Variants in CSMD1 observed in about 807,000 individuals in gnomAD.
The protein encoded by CSMD1 is CUB and Sushi multiple domains 1.
Under a neutral mutation model 417.5 loss-of-function variants are expected in CSMD1, and 213 were observed. The ratio of observed to expected loss-of-function variants is 0.51; its 90% confidence interval spans 0.46 to 0.57. The LOEUF (loss-of-function observed/expected upper bound fraction) is 0.57. Among genes scored for constraint, CSMD1 ranks in the 20% least tolerant of loss-of-function variants. The pLI, the probability that CSMD1 is intolerant of heterozygous loss-of-function variation, is 0.00. For missense variants in CSMD1, 6,923 were observed against 4,529.7 expected, an observed-to-expected ratio of 1.53 and a Z score of -15.17; for synonymous variants, 2,862 against 1,736.8, an observed-to-expected ratio of 1.65 and a Z score of -16.11.
At chr8:3,151,351 A>T in intron 40 of CSMD1, 46 bp downstream of exon 40, 1 of 1,219,348 alleles carries the variant, frequency 8.2e-7, no homozygotes, top group Non-Finnish European at 1.2e-6. Flanking sequence ...TCCAAGATGG[A>T]AATGAAAAAA....
At chr8:4,620,425 C>T (rs1801710268) in intron 2 of CSMD1, among the ~76,000 whole-genome samples, 1 of 151,458 alleles carries the variant, frequency 6.6e-6, no homozygotes, top group Non-Finnish European at 1.5e-5. Flanking sequence ...TGACCAGAGT[C>T]TAAAATTTGC....
At chr8:3,773,634 T>C (rs564489798) in intron 5 of CSMD1, among the ~76,000 whole-genome samples, 2 of 152,296 alleles carry the variant, frequency 1.3e-5, no homozygotes, top group South Asian at 2.1e-4. Flanking sequence ...GTAAACTATT[T>C]GGCAGTTTTA....
At chr8:4,338,537 T>C (rs1335995935) in intron 3 of CSMD1, among the ~76,000 whole-genome samples, 1 of 152,082 alleles carries the variant, frequency 6.6e-6, no homozygotes, top group Non-Finnish European at 1.5e-5. Flanking sequence ...TTTTTCTAGT[T>C]TACTCTATTT....
chr8:4,527,372 T>C (rs1796570090), intron 2 of CSMD1, among the ~76,000 whole-genome samples: 1 of 152,160 alleles, frequency 6.6e-6, no homozygotes. Flanking sequence ...GAAAGTAAAA[T>C]TTGTTTTTAT....
chr8:3,508,766 A>G (rs1268589794), intron 10 of CSMD1, among the ~76,000 whole-genome samples: 1 of 152,208 alleles, frequency 6.6e-6, no homozygotes, highest in Non-Finnish European at 1.5e-5. Context: ...GACCGAATAG[A>G]GGACAGAACG....
chr8:4,846,663 T>C (rs764096183), intron 1 of CSMD1, among the ~76,000 whole-genome samples: 56 of 152,366 alleles, frequency 3.7e-4, no homozygotes, highest in Non-Finnish European at 6.0e-4. Flanking sequence ...CATGGACTTG[T>C]AGACTAACAC....
chr8:3,736,313 C>G (rs1422608165), intron 6 of CSMD1, among the ~76,000 whole-genome samples: 1 of 152,064 alleles, frequency 6.6e-6, no homozygotes, highest in African/African-American at 2.4e-5. Flanking sequence ...GCAATCACGA[C>G]TCACTGCAGC....
intron 11 of CSMD1, among the ~76,000 whole-genome samples, chr8:3,476,505 C>T (rs1817432846): frequency 6.6e-6 from 1 of 152,160 alleles, no homozygotes. Flanking sequence ...TCATATGAAA[C>T]TACCAACCTA....
chr8:3,285,119 T>G (rs1465906031), intron 25 of CSMD1, among the ~76,000 whole-genome samples: 2 of 152,086 alleles, frequency 1.3e-5, no homozygotes, highest in Non-Finnish European at 2.9e-5. Flanking sequence ...ATGGGTCTGA[T>G]TTACAGTTTT....
intron 7 of CSMD1, among the ~76,000 whole-genome samples, chr8:3,649,019 C>G (rs758582429): frequency 3.3e-5 from 5 of 152,032 alleles, no homozygotes; most frequent in Non-Finnish European, 7.4e-5. Flanking sequence ...TATGTACTGT[C>G]CAAGGTCACA....
chr8:3,390,827 C>G (rs914355441), intron 17 of CSMD1, among the ~76,000 whole-genome samples: 1 of 152,090 alleles, frequency 6.6e-6, no homozygotes, highest in South Asian at 2.1e-4. Context: ...ACTCCTAGTC[C>G]AAGGAAGGAA....
intron 3 of CSMD1, among the ~76,000 whole-genome samples, chr8:4,248,894 A>C (rs1051282416): frequency 7.2e-5 from 11 of 152,116 alleles, no homozygotes; most frequent in Non-Finnish European, 1.0e-4. Flanking sequence ...TGGAAAAAAA[A>C]ATCCATTTAG....
rs77511789 is a variant in CSMD1, at chr8:3,955,451, T to G, written c.818+42452A>C. 5.2e-3 allele frequency among the ~76,000 whole-genome samples: 791 copies of G among 152,266 alleles called. 7 individuals carry two copies. The highest frequency in any genetic ancestry group is 0.028 in the East Asian group (147 of 5,172). Reference sequence around the variant, plus strand: ...ACAAATAAACCAGAATGAAAAAATGTAGAAATAAAGTAGAATTTTGTACTG... The same window carrying G: ...ACAAATAAACCAGAATGAAAAAATGGAGAAATAAAGTAGAATTTTGTACTG... On this transcript the variant is annotated intron_variant, in intron 5 of 69. Coordinates refer to ENST00000635120, the MANE Select transcript of CSMD1 (RefSeq NM_033225.6).
intron 18 of CSMD1, among the ~76,000 whole-genome samples, chr8:3,384,823 AAAT>A: frequency 8.1e-6 from 1 of 122,924 alleles, no homozygotes; most frequent in Admixed American, 1.0e-4. Context: ...ATATATAATT[AAAT>A]AAAATAGTAT....
intron 5 of CSMD1, among the ~76,000 whole-genome samples, chr8:3,989,060 G>T (rs1814547140): frequency 1.3e-5 from 2 of 152,188 alleles, no homozygotes; most frequent in Non-Finnish European, 2.9e-5. Flanking sequence ...TTGTAGGGCA[G>T]AAATCTGAAC....
chr8:3,564,034 T>C (rs1799588162), intron 10 of CSMD1, among the ~76,000 whole-genome samples: 1 of 152,232 alleles, frequency 6.6e-6, no homozygotes, highest in African/African-American at 2.4e-5. Flanking sequence ...TTTGTAGTTG[T>C]ATATATTTTG....
At chr8:3,255,758 C>A (rs1413059649) in intron 26 of CSMD1, among the ~76,000 whole-genome samples, 1 of 152,138 alleles carries the variant, frequency 6.6e-6, no homozygotes, top group Non-Finnish European at 1.5e-5. Context: ...TTTCCAGGTG[C>A]TGTCTGTCAA....
chr8:3,295,768 A>G (rs1014830984), intron 25 of CSMD1, among the ~76,000 whole-genome samples: 12 of 152,204 alleles, frequency 7.9e-5, no homozygotes, highest in Non-Finnish European at 1.6e-4. Flanking sequence ...TATATATAGA[A>G]AATTTGATGG....
At chr8:3,429,505 G>A (rs1312840408) in intron 12 of CSMD1, among the ~76,000 whole-genome samples, 2 of 152,026 alleles carry the variant, frequency 1.3e-5, no homozygotes, top group East Asian at 1.9e-4. Context: ...CCCCTGCAGG[G>A]AAAAAGGCAT....
Sources: allele counts gnomAD v4.1 joint callset (sites outside exome capture counted in the v4.1 genomes callset), GRCh38; gene constraint gnomAD v4.1.1; transcripts MANE v1.5; gene names NCBI Gene and HGNC (gene_info 2026-07-23, HGNC 2026-07-21).